Variants in NEB observed in about 807,000 individuals in gnomAD.
The protein encoded by NEB is nemaline myopathy type 2.
NEB carries 512 observed loss-of-function variants against 952.2 expected under a neutral mutation model. That is an observed-to-expected ratio of 0.54 (90% CI 0.50 to 0.58). NEB has a LOEUF of 0.58. Ranked by LOEUF, NEB falls within the 20% of genes least tolerant of loss-of-function variation. The probability of loss-of-function intolerance (pLI) is 0.00; values close to 1 mark genes in which losing one functional copy is unlikely to be tolerated. For synonymous variants in NEB, 2,900 were observed against 3,149.8 expected (o/e 0.92, Z 2.66); for missense variants, 8,428 against 9,231.1 (o/e 0.91, Z 3.56).
chr2:151,697,277 A>G, intron 15 of NEB, 25 bp from the exon 16 acceptor site: 1 of 1,610,264 alleles, frequency 6.2e-7, no homozygotes, highest in Non-Finnish European at 8.5e-7. Context: ...AATTAGGCAT[A>G]AGATGCAGCC....
intron 157 of NEB, among the ~76,000 whole-genome samples, chr2:151,515,715 A>C (rs1457430398): frequency 1.3e-5 from 2 of 152,234 alleles, no homozygotes; most frequent in Non-Finnish European, 2.9e-5. Context: ...ATTTACAGGA[A>C]AGTCACAAGA....
In NEB at chr2:151,502,690, T is replaced by A. The variant is rs957063376; in HGVS notation, c.23928+103A>T. On this transcript the variant is annotated intron_variant, in intron 167 of 181. Transcript: ENST00000397345. ...TTGAAAACTGAGGTAATATTTGGTATCATTATTTTCATTATATGAATTTAG... is the reference window on the plus strand; with the variant it reads ...TTGAAAACTGAGGTAATATTTGGTAACATTATTTTCATTATATGAATTTAG... The A allele has an allele frequency of 8.4e-6, 6 of 714,888 alleles. No homozygotes were observed. In the Admixed American group the frequency reaches 1.4e-4, roughly 17 times the overall value. The allele number at this position is 714,888 out of a possible 1,614,324, so 44.3% of individuals were successfully genotyped here.
At chr2:151,490,262 G>C (rs2055234726) in intron 180 of NEB, 110 bp downstream of exon 180, 1 of 1,370,648 alleles carries the variant, frequency 7.3e-7, no homozygotes, top group South Asian at 1.4e-5. Flanking sequence ...CTCATTAAAG[G>C]AAAGGATGAA....
rs202026890 is a variant in NEB, at chr2:151,684,974, C to T, written c.2639G>A (p.Arg880His). 196 of 1,596,930 alleles carry T rather than the reference C, an allele frequency of 1.2e-4. No individual in the cohort carries two copies. Among genetic ancestry groups the T allele is most frequent in the Admixed American group, 5.4e-4 (31 of 57,574 alleles). ...SLKTAKNQSD[R>H]EYRKDYEKSK... ...CTTTTCATAATCTTTTCGATATTCG[C>T]GCTGTGAATAGGAAATTATCATTTA... The change falls in exon 28 of 182, where the codon CGC becomes CAC. Residue 880 changes from arginine to histidine, a missense_variant and splice_region_variant. Arg to His is a conservative substitution (Grantham distance 29, BLOSUM62 0). Transcript: ENST00000397345.
chr2:151,653,435 G>C (rs1161306854), intron 52 of NEB, among the ~76,000 whole-genome samples: 1 of 152,184 alleles, frequency 6.6e-6, no homozygotes. Context: ...ATGAACTTTA[G>C]ATTGGATTTT....
At chr2:151,696,067 T>C (rs964127430) in intron 17 of NEB, among the ~76,000 whole-genome samples, 1 of 152,248 alleles carries the variant, frequency 6.6e-6, no homozygotes. Context: ...GATGCTCTAA[T>C]TGGAGCCTTC....
chr2:151,538,092 A>G (rs2093479480), intron 139 of NEB, 48 bp downstream of exon 139: 1 of 1,515,084 alleles, frequency 6.6e-7, no homozygotes, highest in East Asian at 2.3e-5. Context: ...GTATATGTAT[A>G]TGGTGAGTTG....
intron 40 of NEB, among the ~76,000 whole-genome samples, chr2:151,667,071 A>G (rs964367062): frequency 3.9e-5 from 6 of 152,042 alleles, no homozygotes; most frequent in African/African-American, 7.2e-5. Flanking sequence ...CCTGTTATGT[A>G]ATTAACTAAA....
chr2:151,691,654 T>C (rs1247917786), intron 23 of NEB, among the ~76,000 whole-genome samples: 2 of 152,114 alleles, frequency 1.3e-5, no homozygotes, highest in Non-Finnish European at 2.9e-5. Flanking sequence ...CTAATGAAAA[T>C]TAAGATTTAT....
At chr2:151,572,680 G>A (rs2096680758) in intron 107 of NEB, among the ~76,000 whole-genome samples, 3 of 150,288 alleles carry the variant, frequency 2.0e-5, no homozygotes, top group Non-Finnish European at 4.4e-5. Context: ...CAAGTAGCTG[G>A]GATTACAGGT....
chr2:151,560,508 T>C (rs761504205), intron 124 of NEB, 84 bp downstream of exon 124: 5 of 1,078,488 alleles, frequency 4.6e-6, no homozygotes, highest in Non-Finnish European at 6.8e-6. Context: ...GGACAACGTA[T>C]GAATCAGCCT....
At chr2:151,687,053 G>A (rs1344142000) in intron 27 of NEB, among the ~76,000 whole-genome samples, 2 of 152,180 alleles carry the variant, frequency 1.3e-5, no homozygotes, top group East Asian at 3.9e-4. Context: ...ACTCATAAAT[G>A]TCTTCCAAAG....
chr2:151,717,249 G>A (rs1033428793), intron 10 of NEB, among the ~76,000 whole-genome samples, 167 bp downstream of exon 10: 1 of 152,182 alleles, frequency 6.6e-6, no homozygotes, highest in Non-Finnish European at 1.5e-5. Flanking sequence ...AGTTCTTGAC[G>A]TTTATGGATG....
chr2:151,667,669 A>G (rs776127638), intron 40 of NEB, 135 bp downstream of exon 40: 41 of 544,076 alleles, frequency 7.5e-5, no homozygotes, highest in Non-Finnish European at 1.3e-4. Context: ...TTGGAACTAC[A>G]GGTACACGCC....
In NEB at chr2:151,506,434, T is replaced by C. The variant is rs2068916619; in HGVS notation, c.23557-176A>G. 4 of 580,648 alleles carry C rather than the reference T, an allele frequency of 6.9e-6. 1 individual carries two copies. In the Admixed American group the frequency reaches 1.2e-4, roughly 18 times the overall value. 36.0% of individuals were successfully genotyped at this position (580,648 alleles called of 1,614,324 possible). A position where few individuals can be genotyped will look rare whatever the true frequency, so the allele number is the denominator to read the frequency against. ...TGTCAGTATCAGTGACTCAGACCAG[T>C]TATACAACATGGATCTTTCCAGATC... On this transcript the variant is annotated intron_variant, in intron 163 of 181. Transcript: ENST00000397345.
intron 23 of NEB, among the ~76,000 whole-genome samples, chr2:151,691,126 G>T (rs1033883925): frequency 6.6e-6 from 1 of 152,100 alleles, no homozygotes; most frequent in African/African-American, 2.4e-5. Context: ...ACTGCACGTT[G>T]GCTTATGATC....
At chr2:151,618,963 C>T (rs1273196020) in intron 73 of NEB, among the ~76,000 whole-genome samples, 1 of 152,128 alleles carries the variant, frequency 6.6e-6, no homozygotes, top group Non-Finnish European at 1.5e-5. Flanking sequence ...ATTTTACTCT[C>T]AATAGGACAT....
At chr2:151,673,882 C>T (rs1367752258) in intron 36 of NEB, among the ~76,000 whole-genome samples, 7 of 151,698 alleles carry the variant, frequency 4.6e-5, no homozygotes, top group African/African-American at 1.2e-4. Context: ...TACAGGTGCC[C>T]GCCACCATTC....
Position 151,562,694 on chromosome 2 carries a change from G to A in NEB, c.18808C>T (p.Arg6270Ter), listed in dbSNP as rs754369875. 2 of 1,605,976 alleles carry A rather than the reference G, an allele frequency of 1.2e-6. No individual in the cohort carries two copies. Among genetic ancestry groups the A allele is most frequent in the South Asian group, 2.2e-5 (2 of 89,712 alleles). The change falls in exon 120 of 182, where the codon CGA (arginine) becomes TGA (stop). Residue 6270 changes from arginine (R) to a stop codon, truncating the protein, a stop_gained. Coordinates refer to ENST00000397345, the MANE Select transcript of NEB (RefSeq NM_001164508.2). LOFTEE classifies it high-confidence loss of function. Reference protein sequence around the residue: ...CQYILSDLEYRHYFHQWTSLL... With the variant: ...CQYILSDLEY The stretch of plus-strand genomic sequence containing the variant: ...GACGTCCACTGGTGGAAATAGTGTC[G>A]ATACTCCAGGTCACTGAGGATGTAC...
Sources: allele counts gnomAD v4.1 joint callset (sites outside exome capture counted in the v4.1 genomes callset), GRCh38; gene constraint gnomAD v4.1.1; transcripts MANE v1.5; gene names NCBI Gene and HGNC (gene_info 2026-07-23, HGNC 2026-07-21).